The following NRXN3 variants were observed in gnomAD, a reference collection of about 807,000 sequenced individuals.
NRXN3 encodes neurexin III.
In NRXN3, 32 loss-of-function variants were observed where a neutral mutation model predicts 137.6. The observed-to-expected ratio is 0.23, with a 90% CI of 0.18 to 0.31. NRXN3 has a LOEUF of 0.31. NRXN3 is among the 10% of genes least tolerant of loss of function. The pLI is 1.00. For synonymous variants in NRXN3, 798 were observed against 784.5 expected, an observed-to-expected ratio of 1.02 and a Z score of -0.29; for missense variants, 1,574 against 2,062.5, an observed-to-expected ratio of 0.76 and a Z score of 4.59.
chr14:79,589,550 TA>T lies in NRXN3; in HGVS notation c.3445-74209del, dbSNP rs58740411. Among the ~76,000 whole-genome samples, 324 of 87,018 alleles carry T rather than the reference TA, an allele frequency of 3.7e-3. No homozygotes were observed. In the East Asian group the frequency reaches 0.048, roughly 13 times the overall value. 57.1% of individuals were successfully genotyped at this position (87,018 alleles called of 152,430 possible). ...AAGAGAGAATAAGGAGTAGAATACC[TA>T]AAAAAAAAAAAAAAAAAAGGAATCA... On this transcript the variant is annotated intron_variant, in intron 16 of 20. Coordinates refer to ENST00000335750, the MANE Select transcript of NRXN3 (RefSeq NM_001330195.2).
At chr14:78,225,773 C>T (rs1401790799) in intron 1 of NRXN3, among the ~76,000 whole-genome samples, 2 of 152,056 alleles carry the variant, frequency 1.3e-5, no homozygotes, top group African/African-American at 4.8e-5. Flanking sequence ...TGTGGTTTTC[C>T]TTCTGCTGGG....
chr14:79,831,951 A>G (rs1011005056), intron 20 of NRXN3, among the ~76,000 whole-genome samples: 1 of 152,078 alleles, frequency 6.6e-6, no homozygotes, highest in Non-Finnish European at 1.5e-5. Flanking sequence ...AAATTTCATA[A>G]TACTTTAGTA....
chr14:78,973,928 C>A (rs971629869), intron 14 of NRXN3, among the ~76,000 whole-genome samples: 5 of 152,130 alleles, frequency 3.3e-5, no homozygotes, highest in Non-Finnish European at 7.4e-5. Context: ...TGTTATATGC[C>A]ATGTAGCTAA....
chr14:78,893,835 A>G (rs1361696440), intron 10 of NRXN3, among the ~76,000 whole-genome samples: 1 of 151,956 alleles, frequency 6.6e-6, no homozygotes, highest in Non-Finnish European at 1.5e-5. Flanking sequence ...GACCACCACA[A>G]TAAAGCAGAT....
intron 16 of NRXN3, among the ~76,000 whole-genome samples, chr14:79,652,656 A>G (rs1400733383): frequency 6.6e-6 from 1 of 152,124 alleles, no homozygotes; most frequent in African/African-American, 2.4e-5. Flanking sequence ...GACTCTTTTC[A>G]AAAGGTATGA....
intron 4 of NRXN3, among the ~76,000 whole-genome samples, chr14:78,573,927 G>A (rs2096912502): frequency 6.6e-6 from 1 of 152,184 alleles, no homozygotes; most frequent in Non-Finnish European, 1.5e-5. Flanking sequence ...CAGGACTAGA[G>A]GCCAAGGAGG....
chr14:79,563,579 T>A (rs2097522070), intron 16 of NRXN3, among the ~76,000 whole-genome samples: 1 of 152,032 alleles, frequency 6.6e-6, no homozygotes, highest in East Asian at 1.9e-4. Context: ...GTAGGATTTT[T>A]TCCGTTACAG....
chr14:79,642,533 ATCTC>A (rs1219110394), intron 16 of NRXN3, among the ~76,000 whole-genome samples: 1 of 134,544 alleles, frequency 7.4e-6, no homozygotes, highest in Non-Finnish European at 1.7e-5. Flanking sequence ...TTGTAACAAT[ATCTC>A]TCTTTTTTTT....
At chr14:78,209,834 C>G (rs1038289199) in intron 1 of NRXN3, among the ~76,000 whole-genome samples, 2 of 152,192 alleles carry the variant, frequency 1.3e-5, no homozygotes, top group Admixed American at 6.5e-5. Context: ...TTGCAGTCCT[C>G]TCCCTCAGCA....
chr14:79,546,198 T>C (rs2097318410), intron 16 of NRXN3, among the ~76,000 whole-genome samples: 1 of 152,204 alleles, frequency 6.6e-6, no homozygotes, highest in African/African-American at 2.4e-5. Flanking sequence ...ATCAGCACCA[T>C]GAAAATGGAC....
intron 15 of NRXN3, among the ~76,000 whole-genome samples, chr14:79,092,679 A>G (rs774045491): frequency 2.6e-5 from 4 of 152,212 alleles, no homozygotes; most frequent in African/African-American, 7.2e-5. Context: ...ATTGTAGTGA[A>G]TAAGTGACTG....
chr14:78,501,721 G>A (rs904539743), intron 4 of NRXN3, among the ~76,000 whole-genome samples: 42 of 152,072 alleles, frequency 2.8e-4, no homozygotes, highest in Admixed American at 7.2e-4. Context: ...TGAGTTACCC[G>A]TGAGCTACCT....
At chr14:78,960,724 A>G (rs1286510127) in intron 11 of NRXN3, among the ~76,000 whole-genome samples, 1 of 152,244 alleles carries the variant, frequency 6.6e-6, no homozygotes, top group East Asian at 1.9e-4. Flanking sequence ...TCTTGCTAGT[A>G]CAAAAACTTG....
intron 6 of NRXN3, among the ~76,000 whole-genome samples, chr14:78,665,144 T>C (rs935832992): frequency 6.6e-6 from 1 of 152,200 alleles, no homozygotes; most frequent in African/African-American, 2.4e-5. Context: ...ATAATTCAGA[T>C]ACTTTCAGAT....
At chr14:78,350,192 G>A (rs190893299) in intron 4 of NRXN3, among the ~76,000 whole-genome samples, 104 of 152,218 alleles carry the variant, frequency 6.8e-4, no homozygotes, top group African/African-American at 2.4e-3. Context: ...CGGAGGATGA[G>A]GCAGGAGAAT....
intron 15 of NRXN3, among the ~76,000 whole-genome samples, chr14:79,065,334 G>A (rs554150234): frequency 3.9e-5 from 6 of 152,162 alleles, no homozygotes; most frequent in East Asian, 1.9e-4. Flanking sequence ...ATTAGTTTAC[G>A]TATTAGCACT....
intron 16 of NRXN3, among the ~76,000 whole-genome samples, chr14:79,584,001 C>T (rs1340551592): frequency 1.3e-5 from 2 of 152,134 alleles, no homozygotes; most frequent in Admixed American, 6.5e-5. Flanking sequence ...ATACTCTAGG[C>T]GATGTCTATG....
At chr14:78,408,469 C>T (rs2092633338) in intron 4 of NRXN3, among the ~76,000 whole-genome samples, 1 of 152,186 alleles carries the variant, frequency 6.6e-6, no homozygotes, top group African/African-American at 2.4e-5. Flanking sequence ...AAAATGCTTG[C>T]TTTCTTTGGT....
intron 16 of NRXN3, among the ~76,000 whole-genome samples, chr14:79,584,272 G>A (rs1438056461): frequency 6.6e-6 from 1 of 152,162 alleles, no homozygotes; most frequent in Admixed American, 6.5e-5. Context: ...GGGGTGAGCA[G>A]AAAGAAATGC....
Sources: allele counts gnomAD v4.1 joint callset (sites outside exome capture counted in the v4.1 genomes callset), GRCh38; gene constraint gnomAD v4.1.1; transcripts MANE v1.5; gene names NCBI Gene and HGNC (gene_info 2026-07-23, HGNC 2026-07-21).